Variants in XIAP observed in about 807,000 individuals in gnomAD.
XIAP encodes X-linked inhibitor of apoptosis.
Under a neutral mutation model 33.1 loss-of-function variants are expected in XIAP, and 3 were observed. The observed-to-expected ratio is 0.09, with a 90% CI of 0.04 to 0.23. The LOEUF is 0.23. Among genes scored for constraint, XIAP ranks in the 10% least tolerant of loss-of-function variants. The pLI is 1.00. For missense variants in XIAP, 264 were observed against 363.0 expected, an observed-to-expected ratio of 0.73 and a Z score of 2.22; for synonymous variants, 98 against 121.3, an observed-to-expected ratio of 0.81 and a Z score of 1.26.
At chrX:123,890,639 C>CA (rs35753586) in intron 3 of XIAP, among the ~76,000 whole-genome samples, 23,755 of 58,058 alleles carry the variant, frequency 0.41, 4,231 homozygotes, top group African/African-American at 0.47. Flanking sequence ...GACACTGTCT[C>CA]AAAAAAAAAA....
rs183922745 is a variant in XIAP at position 123,890,797 on chromosome X, C to T, written c.978-441C>T. On this transcript the variant is annotated intron_variant, in intron 3 of 6. Transcript: ENST00000371199. ...TCTCTACTAAAAATACAAAATTAGC[C>T]GGGCGTAGTGGTGCATGCCTGTAAT... Among the ~76,000 whole-genome samples, 731 of 109,253 alleles carry T rather than the reference C, an allele frequency of 6.7e-3. 6 individuals carry two copies. Among genetic ancestry groups the T allele is most frequent in the African/African-American group, 0.022 (670 of 30,011 alleles). 94.9% of individuals were successfully genotyped at this position (109,253 alleles called of 115,157 possible). A position where few individuals can be genotyped will look rare whatever the true frequency, so the allele number is the denominator to read the frequency against.
chrX:123,908,179 A>G lies in XIAP; in HGVS notation c.*998A>G, dbSNP rs923800979. 1.7e-5 allele frequency: 6 copies of G among 363,141 alleles called. No homozygotes were observed. Among genetic ancestry groups the G allele is most frequent in the Non-Finnish European group, 3.1e-5 (6 of 190,770 alleles). The allele number at this position is 363,141 out of a possible 1,213,427, so 29.9% of individuals were successfully genotyped here. ...TTTTTCTAATCCAAGAAGGCAGGGCAGTTAACCTTTTTGGTGCCAATGTGA... is the reference window on the plus strand; with the variant it reads ...TTTTTCTAATCCAAGAAGGCAGGGCGGTTAACCTTTTTGGTGCCAATGTGA... On this transcript the variant is annotated 3_prime_UTR_variant, in exon 7 of 7. Coordinates refer to ENST00000371199, the MANE Select transcript of XIAP (RefSeq NM_001167.4).
chrX:123,899,927 T>C (rs1299142704), intron 5 of XIAP, among the ~76,000 whole-genome samples: 1 of 111,285 alleles, frequency 9.0e-6, no homozygotes, highest in Non-Finnish European at 1.9e-5. Context: ...ATAAGTGTCC[T>C]CTCCTAGCAC....
At position 123,910,905 on chromosome X, in the gene XIAP, A is replaced by G. The variant is rs1430767135; in HGVS notation, c.*3724A>G. ...AAAAGAAATAAGAAAATGGGAAGCA[A>G]TATTTGACATAGTTCTTTTTAGTCA... On this transcript the variant is annotated 3_prime_UTR_variant, in exon 7 of 7. Transcript: ENST00000371199. 3.1e-6 allele frequency: 1 copy of G among 321,520 alleles called. No homozygotes were observed. The highest frequency in any genetic ancestry group is 5.9e-6 in the Non-Finnish European group (1 of 168,208). 26.5% of individuals were successfully genotyped at this position (321,520 alleles called of 1,213,427 possible).
chrX:123,885,904 G>A lies in XIAP; in HGVS notation c.242G>A (p.Gly81Glu). 8.3e-7 allele frequency: 1 copy of A among 1,211,682 alleles called. No individual in the cohort carries two copies. The highest frequency in any genetic ancestry group is 1.1e-6 in the Non-Finnish European group (1 of 895,566). Residue 81 changes from glycine (G) to glutamate (E), a missense_variant, in exon 2 of 7, where the codon GGA becomes GAA. Transcript: ENST00000371199. ...TGGCAATATGGAGACTCAGCAGTTG[G>A]AAGACACAGGAAAGTATCCCCAAAT... ...DRWQYGDSAV[G>E]RHRKVSPNCR...
At chrX:123,886,984 A>T (rs1260046813) in intron 2 of XIAP, among the ~76,000 whole-genome samples, 1 of 111,836 alleles carries the variant, frequency 8.9e-6, no homozygotes, top group African/African-American at 3.2e-5. Flanking sequence ...CAATGGCGTG[A>T]TTTAGGCTCA....
Position 123,860,246 on chromosome X carries a change from G to T in XIAP, c.-80G>T. ...CGCCTCCTCCGGGACCCTCCCCTTG[G>T]ACCGAGCCGATCGCCGCGGGGCAGT... is the stretch of plus-strand genomic sequence containing the variant. On this transcript the variant is annotated 5_prime_UTR_variant, in exon 1 of 7. Coordinates refer to ENST00000371199, the MANE Select transcript of XIAP (RefSeq NM_001167.4). 1 of 329,954 alleles carries T rather than the reference G, an allele frequency of 3.0e-6. No individual in the cohort carries two copies. Among genetic ancestry groups the T allele is most frequent in the South Asian group, 2.6e-5 (1 of 38,543 alleles). 27.2% of individuals were successfully genotyped at this position (329,954 alleles called of 1,213,427 possible).
chrX:123,864,767 CGTGTGTGTGTGTGTGTGTGT>C lies in XIAP; in HGVS notation c.-33+4505_-33+4524del, dbSNP rs752421505. ...ATGTTAGCCAGGATGGTCGCATTCTCGTGTGTGTGTGTGTGTGTGTGTGTGTGTGTGTGTGTGTGTGTGTG... is the reference window on the plus strand; with the variant it reads ...ATGTTAGCCAGGATGGTCGCATTCTCGTGTGTGTGTGTGTGTGTGTGTGTG... On this transcript the variant is annotated intron_variant, in intron 1 of 6. Transcript: ENST00000371199. 1.1e-3 allele frequency among the ~76,000 whole-genome samples: 60 copies of C among 52,654 alleles called. 1 individual carries two copies. The highest frequency in any genetic ancestry group is 0.01 in the Middle Eastern group (1 of 96). The allele number at this position is 52,654 out of a possible 115,157, so 45.7% of individuals were successfully genotyped here.
intron 5 of XIAP, among the ~76,000 whole-genome samples, chrX:123,898,982 G>A (rs1394096586): frequency 9.8e-6 from 1 of 102,248 alleles, no homozygotes; most frequent in African/African-American, 3.5e-5. Context: ...TTAGCCAGGC[G>A]TGGTGGTGCA....
rs60841987 is a variant in XIAP, at chrX:123,912,348, CAAAA to C, written c.*5177_*5180del. 7.1e-6 allele frequency: 2 copies of C among 281,552 alleles called. No homozygotes were observed. The highest frequency in any genetic ancestry group is 3.8e-5 in the Admixed American group (1 of 26,317). 23.2% of individuals were successfully genotyped at this position (281,552 alleles called of 1,213,427 possible). On this transcript the variant is annotated 3_prime_UTR_variant, in exon 7 of 7. Coordinates refer to ENST00000371199, the MANE Select transcript of XIAP (RefSeq NM_001167.4). ...TAGCATTAAGGTTGGTGCAAAAATG[CAAAA>C]AAAAAAAAAGCAATTATTTTTAAAC...
intron 1 of XIAP, among the ~76,000 whole-genome samples, chrX:123,864,567 C>T (rs2148068989): frequency 9.6e-6 from 1 of 103,894 alleles, no homozygotes. Flanking sequence ...CCCGGCTTCA[C>T]GCCATTCTCC....
chrX:123,896,433 G>A (rs975480160), intron 5 of XIAP, among the ~76,000 whole-genome samples: 1 of 110,908 alleles, frequency 9.0e-6, no homozygotes, highest in Non-Finnish European at 1.9e-5. Context: ...TTATCTTTTT[G>A]TTATTGAGTT....
chrX:123,861,431 C>T (rs2053078098), intron 1 of XIAP, among the ~76,000 whole-genome samples: 1 of 110,274 alleles, frequency 9.1e-6, no homozygotes, highest in South Asian at 3.8e-4. Context: ...TGAGATTCCC[C>T]CCCACCCCCA....
rs770122195 is a variant in XIAP, at chrX:123,885,808, G to A, written c.146G>A (p.Arg49Gln). ...GSPVSASTLARAGFLYTGEGD... is the reference protein window; with the variant it reads ...GSPVSASTLAQAGFLYTGEGD... ...CCTGTTTCAGCATCAACACTGGCAC[G>A]AGCAGGGTTTCTTTATACTGGTGAA... The change falls in exon 2 of 7, where the codon CGA (arginine) becomes CAA (glutamine). Residue 49 changes from arginine to glutamine, a missense_variant. Physicochemically the swap from Arg to Gln is conservative, Grantham distance 43. Coordinates refer to ENST00000371199, the MANE Select transcript of XIAP (RefSeq NM_001167.4). The A allele has an allele frequency of 5.1e-5, 62 of 1,210,311 alleles. No individual in the cohort carries two copies. The South Asian group carries it at 1.0e-3, about 20-fold the overall frequency.
intron 1 of XIAP, among the ~76,000 whole-genome samples, chrX:123,882,248 A>G (rs1199509065): frequency 2.7e-5 from 3 of 111,636 alleles, no homozygotes; most frequent in Non-Finnish European, 5.6e-5. Context: ...AGGCAACCCA[A>G]TCCATTTGGT....
At chrX:123,903,282 G>T (rs901949590) in intron 6 of XIAP, among the ~76,000 whole-genome samples, 1 of 101,288 alleles carries the variant, frequency 9.9e-6, no homozygotes, top group African/African-American at 3.7e-5. Flanking sequence ...TCCACCTCCC[G>T]GGTTCAAGCA....
chrX:123,894,424 C>G (rs1481995175), intron 5 of XIAP, among the ~76,000 whole-genome samples: 1 of 112,172 alleles, frequency 8.9e-6, no homozygotes, highest in Non-Finnish European at 1.9e-5. Flanking sequence ...TAGAATATGT[C>G]TAGTGATTCC....
rs747235319 is a variant in XIAP, at chrX:123,899,089, C to T, written c.1100-1404C>T. On this transcript the variant is annotated intron_variant, in intron 5 of 6. Coordinates refer to ENST00000371199, the MANE Select transcript of XIAP (RefSeq NM_001167.4). ...TGAGCCGAGACGCGCCATTACACTCCGGCCTGGGTGACAGAGCGAGACTAC... is the reference window on the plus strand; with the variant it reads ...TGAGCCGAGACGCGCCATTACACTCTGGCCTGGGTGACAGAGCGAGACTAC... Among the ~76,000 whole-genome samples the T allele has an allele frequency of 3.2e-3, 239 of 75,479 alleles. 2 individuals carry two copies. The highest frequency in any genetic ancestry group is 0.012 in the African/African-American group (230 of 19,059). 65.5% of individuals were successfully genotyped at this position (75,479 alleles called of 115,157 possible).
chrX:123,864,195 G>A (rs2053107056), intron 1 of XIAP, among the ~76,000 whole-genome samples: 1 of 109,482 alleles, frequency 9.1e-6, no homozygotes, highest in East Asian at 2.8e-4. Flanking sequence ...GTAAATAAAT[G>A]TTCTCCTTTT....
Sources: allele counts gnomAD v4.1 joint callset (sites outside exome capture counted in the v4.1 genomes callset), GRCh38; gene constraint gnomAD v4.1.1; transcripts MANE v1.5; gene names NCBI Gene and HGNC (gene_info 2026-07-23, HGNC 2026-07-21).